The following PADI1 variants were observed in gnomAD, a reference collection of about 807,000 sequenced individuals.
PADI1 encodes protein-arginine deiminase type-1.
Under a neutral mutation model 74.8 loss-of-function variants are expected in PADI1, and 65 were observed. The ratio of observed to expected loss-of-function variants is 0.87; its 90% confidence interval spans 0.71 to 1.07. The LOEUF is 1.07. Among genes scored for constraint, PADI1 ranks in the 50% least tolerant of loss-of-function variants. The probability of loss-of-function intolerance (pLI) is 0.00; values close to 1 mark genes in which losing one functional copy is unlikely to be tolerated. For synonymous variants in PADI1, 371 were observed against 336.2 expected (o/e 1.10, Z -1.13); for missense variants, 943 against 854.0 (o/e 1.10, Z -1.30).
rs2072218126 is a variant in PADI1 at position 17,223,467 on chromosome 1, C to T, written c.274-154C>T. ...TGGAGAAGGTAGCTCTGAATCCCAG[C>T]CGGGAGCCCTTGAGTCTTGGGACTT... On this transcript the variant is annotated intron_variant, in intron 2 of 15. Transcript: ENST00000375471. 6.4e-6 allele frequency: 4 copies of T among 627,390 alleles called. No homozygotes were observed. In the South Asian group the frequency reaches 7.6e-5, roughly 12 times the overall value. The allele number at this position is 627,390 out of a possible 1,614,324, so 38.9% of individuals were successfully genotyped here. A position where few individuals can be genotyped will look rare whatever the true frequency, so the allele number is the denominator to read the frequency against.
At chr1:17,238,861 G>A in intron 13 of PADI1, 152 bp downstream of exon 13, 1 of 435,044 alleles carries the variant, frequency 2.3e-6, no homozygotes, top group East Asian at 3.5e-5. Context: ...TGATGGGTGG[G>A]GGAGTTCCTG....
Position 17,228,811 on chromosome 1 carries a change from T to A in PADI1, c.825+14T>A. 1 of 1,591,560 alleles carries A rather than the reference T, an allele frequency of 6.3e-7. No homozygotes were observed. Among genetic ancestry groups the A allele is most frequent in the Non-Finnish European group, 8.5e-7 (1 of 1,169,702 alleles). On this transcript the variant is annotated intron_variant, in intron 7 of 15. Coordinates refer to ENST00000375471, the MANE Select transcript of PADI1 (RefSeq NM_013358.3). ...GTGGACCCGGGGGTGTGTACAGCAC[T>A]GGGGGGTGGCCAAGGAGGCTGAGGG...
At chr1:17,238,733 C>T in intron 13 of PADI1, 24 bp downstream of exon 13, 1 of 1,244,766 alleles carries the variant, frequency 8.0e-7, no homozygotes, top group Non-Finnish European at 1.1e-6. Flanking sequence ...ACCCGGTCAC[C>T]CCTGGGGGAC....
intron 1 of PADI1, among the ~76,000 whole-genome samples, chr1:17,206,796 C>T (rs1254100544): frequency 2.0e-5 from 3 of 151,104 alleles, no homozygotes; most frequent in Non-Finnish European, 2.9e-5. Flanking sequence ...AATTCTCTGC[C>T]GCAGCCTCCA....
At position 17,228,996 on chromosome 1, in the gene PADI1, GC is replaced by G; in HGVS notation, c.879del (p.Trp294GlyfsTer3). The G allele has an allele frequency of 1.9e-6, 3 of 1,595,818 alleles. No individual in the cohort carries two copies. The highest frequency in any genetic ancestry group is 2.6e-6 in the Non-Finnish European group (3 of 1,170,242). ...CACAGACACTGTGGGCTTCCGCATG[GC>G]CCCCTGGATCATGACGCCCAACACT... ...LFTDTVGFRM[A>X]PWIMTPNTQP... On this transcript the variant is annotated frameshift_variant, in exon 8 of 16. Coordinates refer to ENST00000375471, the MANE Select transcript of PADI1 (RefSeq NM_013358.3). LOFTEE classifies it high-confidence loss of function.
At chr1:17,240,378 C>T in intron 14 of PADI1, 1 of 388,166 alleles carries the variant, frequency 2.6e-6, no homozygotes, top group Non-Finnish European at 4.8e-6. Context: ...GTGTGTTGTG[C>T]TGACAAGAAC....
rs755441038 is a variant in PADI1 at position 17,232,965 on chromosome 1, C to T, written c.1308C>T (p.Phe436=). Residue 436 remains phenylalanine, a synonymous_variant, in exon 11 of 16, where the codon TTC becomes TTT. Coordinates refer to ENST00000375471, the MANE Select transcript of PADI1 (RefSeq NM_013358.3). ...GCCGGATCCTCATCGGGAGCAGCTTCCCCAAGTGAGGGGCTGGGGCGGGAG... is the reference window on the plus strand; with the variant it reads ...GCCGGATCCTCATCGGGAGCAGCTTTCCCAAGTGAGGGGCTGGGGCGGGAG... ...PLGRILIGSS[F]PKSGGRQMAR... 8 of 1,603,774 alleles carry T rather than the reference C, an allele frequency of 5.0e-6. No individual in the cohort carries two copies. In the East Asian group the frequency reaches 1.8e-4, roughly 36 times the overall value.
intron 11 of PADI1, among the ~76,000 whole-genome samples, chr1:17,235,267 G>GAAGGAAGGAAGGAAGA: frequency 7.2e-6 from 1 of 138,954 alleles, no homozygotes; most frequent in Non-Finnish European, 1.6e-5. Context: ...GGAAGGGAAG[G>GAAGGAAGGAAGGAAGA]AAGGAAGGAA....
At position 17,229,113 on chromosome 1, in the gene PADI1, G is replaced by A; in HGVS notation, c.929+62G>A. On this transcript the variant is annotated intron_variant, in intron 8 of 15. Coordinates refer to ENST00000375471, the MANE Select transcript of PADI1 (RefSeq NM_013358.3). ...GAGTGCAGAGGTAGGGACAGAAGCT[G>A]CCTCAGGGCTGCGCCCCTCACTCAC... is the stretch of plus-strand genomic sequence containing the variant. The A allele has an allele frequency of 2.9e-6, 3 of 1,035,786 alleles. No homozygotes were observed. In the South Asian group the frequency reaches 4.2e-5, roughly 15 times the overall value. The allele number at this position is 1,035,786 out of a possible 1,614,324, so 64.2% of individuals were successfully genotyped here.
intron 1 of PADI1, among the ~76,000 whole-genome samples, chr1:17,207,715 T>C (rs1158788783): frequency 6.6e-6 from 1 of 152,234 alleles, no homozygotes; most frequent in Non-Finnish European, 1.5e-5. Flanking sequence ...GCCTGGGCTA[T>C]TCATAGCTGT....
chr1:17,236,293 A>T (rs1411225511), intron 11 of PADI1, among the ~76,000 whole-genome samples: 1 of 152,218 alleles, frequency 6.6e-6, no homozygotes, highest in African/African-American at 2.4e-5. Context: ...ATTTTCTGGG[A>T]CTCAACTCCC....
intron 1 of PADI1, among the ~76,000 whole-genome samples, chr1:17,206,655 C>A (rs1439282570): frequency 6.7e-6 from 1 of 150,162 alleles, no homozygotes; most frequent in Non-Finnish European, 1.5e-5. Flanking sequence ...TGCTGTTTAG[C>A]TGAAGCTGAA....
rs767639482 is a variant in PADI1 at position 17,230,718 on chromosome 1, G to A, written c.1161+39G>A. 2.4e-6 allele frequency: 3 copies of A among 1,259,028 alleles called. No individual in the cohort carries two copies. In the African/African-American group the frequency reaches 4.4e-5, roughly 18 times the overall value. 78.0% of individuals were successfully genotyped at this position (1,259,028 alleles called of 1,614,324 possible). A position where few individuals can be genotyped will look rare whatever the true frequency, so the allele number is the denominator to read the frequency against. On this transcript the variant is annotated intron_variant, in intron 10 of 15. Transcript: ENST00000375471. ...GGTAGAGTGCAGAAACCCTGGTTGG[G>A]TCCTCCTGGAGGCGCACCAGTGAAG...
chr1:17,238,973 C>T lies in PADI1; in HGVS notation c.1552+264C>T, dbSNP rs117862480. ...TTCTCACTCCCCTTTGATCTCTCTCCCCTCTTCCTTATCCCTGTTCACAGA... is the reference window on the plus strand; with the variant it reads ...TTCTCACTCCCCTTTGATCTCTCTCTCCTCTTCCTTATCCCTGTTCACAGA... On this transcript the variant is annotated intron_variant, in intron 13 of 15. Transcript: ENST00000375471. Among the ~76,000 whole-genome samples, 86 of 152,308 alleles carry T rather than the reference C, an allele frequency of 5.6e-4. 2 individuals are homozygous for T. In the East Asian group the frequency reaches 0.015, roughly 26 times the overall value.
intron 15 of PADI1, among the ~76,000 whole-genome samples, chr1:17,242,433 G>A (rs1302319376): frequency 6.6e-6 from 1 of 152,250 alleles, no homozygotes; most frequent in Non-Finnish European, 1.5e-5. Flanking sequence ...TTAAACAACT[G>A]CATGTGGCCA....
chr1:17,230,983 G>C (rs12046183), intron 10 of PADI1, among the ~76,000 whole-genome samples: 1 of 152,350 alleles, frequency 6.6e-6, no homozygotes, highest in East Asian at 1.9e-4. Flanking sequence ...AGTGTGGTCA[G>C]CTCTGGGGAG....
intron 6 of PADI1, among the ~76,000 whole-genome samples, chr1:17,227,479 C>A (rs890499121): frequency 6.6e-6 from 1 of 150,474 alleles, no homozygotes. Context: ...TGCAGGGAGC[C>A]GTGTTCATGC....
chr1:17,228,358 T>G (rs10127662), intron 6 of PADI1, among the ~76,000 whole-genome samples: 19,700 of 152,344 alleles, frequency 0.13, 1,477 homozygotes, highest in Non-Finnish European at 0.17. Context: ...CATGGGTAAT[T>G]TTCACCTTTT....
At chr1:17,220,919 T>C (rs2072130199) in intron 1 of PADI1, among the ~76,000 whole-genome samples, 1 of 152,178 alleles carries the variant, frequency 6.6e-6, no homozygotes, top group Non-Finnish European at 1.5e-5. Context: ...TGCATCCCCC[T>C]CTGATGCTGT....
Sources: gnomAD v4.1 joint callset for allele counts (sites outside exome capture counted in the v4.1 genomes callset) on GRCh38, gnomAD v4.1.1 for gene constraint, MANE v1.5 for transcripts, NCBI Gene and HGNC (gene_info 2026-07-23, HGNC 2026-07-21) for gene names.